The following KRIT1 variants were observed in gnomAD, a reference collection of about 807,000 sequenced individuals.
The protein encoded by KRIT1 is krev interaction trapped protein 1.
KRIT1 carries 45 observed loss-of-function variants against 95.8 expected under a neutral mutation model. The ratio of observed to expected loss-of-function variants is 0.47; its 90% CI spans 0.37 to 0.60. KRIT1 has a LOEUF of 0.60. Among genes scored for constraint, KRIT1 ranks in the 20% least tolerant of loss-of-function variants. The pLI is 0.00. For synonymous variants in KRIT1, 282 were observed against 278.8 expected, an observed-to-expected ratio of 1.01 and a Z score of -0.11; for missense variants, 788 against 877.5, an observed-to-expected ratio of 0.90 and a Z score of 1.29.
chr7:92,243,739 A>C lies in KRIT1; in HGVS notation c.-3+263T>G, dbSNP rs1255137798. ...ATAAACTTTAGCCTAAGATTAAAAC[A>C]ACCATTAAAATTATTGTACAAAAAT... is the stretch of plus-strand genomic sequence containing the variant. On this transcript the variant is annotated intron_variant, in intron 3 of 18. Transcript: ENST00000394505. Among the ~76,000 whole-genome samples, 4 of 152,170 alleles carry C rather than the reference A, an allele frequency of 2.6e-5. No individual in the cohort carries two copies. In the South Asian group the frequency reaches 6.2e-4, roughly 24 times the overall value.
Position 92,235,468 on chromosome 7 carries a change from G to C in KRIT1, c.664C>G (p.Leu222Val), listed in dbSNP as rs1243296644. Residue 222 changes from leucine to valine, a missense_variant, in exon 8 of 19, where the codon CTA (leucine) becomes GTA (valine). Coordinates refer to ENST00000394505, the MANE Select transcript of KRIT1 (RefSeq NM_194454.3). Reference protein sequence around the residue: ...ALEIKSKMLALEKADTCIYNP... With the variant: ...ALEIKSKMLAVEKADTCIYNP... ...TAAATACAGGTATCTGCTTTCTCTA[G>C]GGCTAACATTTTACTCTTTATTTCT... is the stretch of plus-strand genomic sequence containing the variant. 4 of 1,613,358 alleles carry C rather than the reference G, an allele frequency of 2.5e-6. No homozygotes were observed. Among genetic ancestry groups the C allele is most frequent in the African/African-American group, 1.3e-5 (1 of 74,884 alleles).
Position 92,245,816 on chromosome 7 carries a change from T to G in KRIT1, c.-447A>C, listed in dbSNP as rs2131845735. The G allele has an allele frequency of 5.9e-6, 1 of 168,400 alleles. No individual in the cohort carries two copies. The highest frequency in any genetic ancestry group is 1.9e-4 in the East Asian group (1 of 5,224). 10.4% of individuals were successfully genotyped at this position (168,400 alleles called of 1,614,324 possible). On this transcript the variant is annotated 5_prime_UTR_variant, in exon 1 of 19. Coordinates refer to ENST00000394505, the MANE Select transcript of KRIT1 (RefSeq NM_194454.3). The stretch of plus-strand genomic sequence containing the variant: ...TGCTCTTTACTGTCCTTCCCTCTCC[T>G]CGCACCTCAGCACCATTCACCCCTC...
intron 17 of KRIT1, among the ~76,000 whole-genome samples, chr7:92,207,651 G>A (rs903175258): frequency 6.6e-6 from 1 of 152,202 alleles, no homozygotes; most frequent in Admixed American, 6.5e-5. Context: ...GAGGCCAGGA[G>A]TTTGAGACCA....
At chr7:92,201,568 G>A in intron 17 of KRIT1, 145 bp from the exon 18 acceptor site, 1 of 636,356 alleles carries the variant, frequency 1.6e-6, no homozygotes, top group Non-Finnish European at 2.8e-6. Context: ...TAAGTTCTGG[G>A]GTACACGTGC....
At position 92,237,037 on chromosome 7, in the gene KRIT1, G is replaced by A. The variant is rs1186268085; in HGVS notation, c.356-495C>T. Reference sequence around the variant, plus strand: ...GTGATTTCGTATCTAATACCTCATTGAATTTTTCCAGCACCATGAAACAAG... The same window carrying A: ...GTGATTTCGTATCTAATACCTCATTAAATTTTTCCAGCACCATGAAACAAG... On this transcript the variant is annotated intron_variant, in intron 6 of 18. Transcript: ENST00000394505. 1.1e-4 allele frequency among the ~76,000 whole-genome samples: 17 copies of A among 151,958 alleles called. 1 individual carries two copies. Among genetic ancestry groups the A allele is most frequent in the Non-Finnish European group, 2.9e-5 (2 of 67,948 alleles).
intron 10 of KRIT1, among the ~76,000 whole-genome samples, chr7:92,230,416 GCTCTTTCAACTC>G (rs1398479116): frequency 1.3e-5 from 2 of 152,112 alleles, no homozygotes; most frequent in Non-Finnish European, 2.9e-5. Context: ...GCTCCATTAT[GCTCTTTCAACTC>G]CTATTTGTTC....
intron 3 of KRIT1, 101 bp downstream of exon 3, chr7:92,243,901 T>G (rs1800256175): frequency 6.6e-6 from 1 of 152,192 alleles, no homozygotes; most frequent in African/African-American, 2.4e-5. Context: ...GACATTTCAT[T>G]GTGTGAAAGG....
chr7:92,205,119 G>T (rs1195890046), intron 17 of KRIT1, among the ~76,000 whole-genome samples: 5 of 152,194 alleles, frequency 3.3e-5, no homozygotes, highest in African/African-American at 9.6e-5. Flanking sequence ...GGGCGAGGCA[G>T]TCGGATCACC....
At chr7:92,203,641 A>G (rs1790719638) in intron 17 of KRIT1, among the ~76,000 whole-genome samples, 1 of 152,246 alleles carries the variant, frequency 6.6e-6, no homozygotes, top group Non-Finnish European at 1.5e-5. Flanking sequence ...TAAGTGTTAA[A>G]TAATATCACT....
In KRIT1 at chr7:92,214,603, A is replaced by T; in HGVS notation, c.1730+8T>A. The T allele has an allele frequency of 1.9e-6, 3 of 1,598,214 alleles. No homozygotes were observed. The highest frequency in any genetic ancestry group is 2.6e-6 in the Non-Finnish European group (3 of 1,165,802). Reference sequence around the variant, plus strand: ...AGCACAAGACCATGCATAATATTAAATACTTACTTTAGGAAACCTTGCTTG... The same window carrying T: ...AGCACAAGACCATGCATAATATTAATTACTTACTTTAGGAAACCTTGCTTG... On this transcript the variant is annotated splice_region_variant and intron_variant, in intron 15 of 18. Coordinates refer to ENST00000394505, the MANE Select transcript of KRIT1 (RefSeq NM_194454.3).
chr7:92,224,655 C>G (rs537136064), intron 12 of KRIT1, among the ~76,000 whole-genome samples: 51 of 151,900 alleles, frequency 3.4e-4, no homozygotes, highest in South Asian at 2.3e-3. Flanking sequence ...GAGTTTATTT[C>G]CAGTTGTAAT....
At chr7:92,225,353 G>A (rs1318661248) in intron 12 of KRIT1, among the ~76,000 whole-genome samples, 2 of 152,056 alleles carry the variant, frequency 1.3e-5, no homozygotes, top group Non-Finnish European at 2.9e-5. Flanking sequence ...CGTCGCCAAG[G>A]CTGGAGTACA....
At chr7:92,214,091 AT>A (rs1247734837) in intron 15 of KRIT1, 112 bp from the exon 16 acceptor site, 1 of 716,506 alleles carries the variant, frequency 1.4e-6, no homozygotes, top group African/African-American at 1.8e-5. Flanking sequence ...CCTGAAAAAT[AT>A]TTTGCTGTAA....
chr7:92,207,450 A>C (rs1481341287), intron 17 of KRIT1, among the ~76,000 whole-genome samples: 2 of 152,216 alleles, frequency 1.3e-5, no homozygotes, highest in African/African-American at 2.4e-5. Flanking sequence ...TCTAAAGGGA[A>C]TGACAGACTC....
chr7:92,238,768 A>G (rs1798959979), intron 5 of KRIT1, among the ~76,000 whole-genome samples: 1 of 152,212 alleles, frequency 6.6e-6, no homozygotes, highest in South Asian at 2.1e-4. Flanking sequence ...AGCACTGACA[A>G]GTTAGGAGAT....
chr7:92,208,046 C>T (rs903100166), intron 17 of KRIT1, among the ~76,000 whole-genome samples: 2 of 151,892 alleles, frequency 1.3e-5, no homozygotes, highest in Non-Finnish European at 2.9e-5. Context: ...AAATCAGTAA[C>T]AAAAGAAATT....
At position 92,222,585 on chromosome 7, in the gene KRIT1, TAGA is replaced by T. The variant is rs374104955; in HGVS notation, c.1411+234_1411+236del. 2.2e-4 allele frequency among the ~76,000 whole-genome samples: 34 copies of T among 152,292 alleles called. No homozygotes were observed. In the East Asian group the frequency reaches 5.0e-3, roughly 22 times the overall value. ...GCATTCAAATCAAATGCCATTGCCATAGAAGAAAAGTTTTGTTTTTTAATTATT... is the reference window on the plus strand; with the variant it reads ...GCATTCAAATCAAATGCCATTGCCATAGAAAAGTTTTGTTTTTTAATTATT... On this transcript the variant is annotated intron_variant, in intron 13 of 18. Transcript: ENST00000394505.
At chr7:92,214,860 T>C (rs982783367) in intron 14 of KRIT1, 83 bp from the exon 15 acceptor site, 109 of 939,572 alleles carry the variant, frequency 1.2e-4, no homozygotes, top group Non-Finnish European at 1.6e-4. Flanking sequence ...AAGCAAAAGC[T>C]ACATATTTGT....
intron 1 of KRIT1, 47 bp downstream of exon 1, chr7:92,245,743 G>C (rs966800244): frequency 6.6e-6 from 1 of 152,402 alleles, no homozygotes; most frequent in African/African-American, 2.4e-5. Flanking sequence ...GCTCCCACCC[G>C]CGCCCCAAAA....
Sources: gnomAD v4.1 joint callset for allele counts (sites outside exome capture counted in the v4.1 genomes callset) on GRCh38, gnomAD v4.1.1 for gene constraint, MANE v1.5 for transcripts, NCBI Gene and HGNC (gene_info 2026-07-23, HGNC 2026-07-21) for gene names.